PACRG: variants seen among roughly 807,000 people sequenced by gnomAD.
PACRG encodes the protein parkin coregulated gene protein.
Under a neutral mutation model 29.7 loss-of-function variants are expected in PACRG, and 29 were observed. That is an observed-to-expected ratio of 0.98 (90% CI 0.73 to 1.33). The LOEUF is 1.33. Among genes scored for constraint, PACRG ranks in the 40% most tolerant of loss-of-function variants. PACRG has a pLI of 0.00. For missense variants in PACRG, 279 were observed against 316.2 expected (o/e 0.88, Z 0.89); for synonymous variants, 116 against 118.7 (o/e 0.98, Z 0.15).
At chr6:163,032,915 T>C (rs1428293705) in intron 2 of PACRG, among the ~76,000 whole-genome samples, 1 of 152,240 alleles carries the variant, frequency 6.6e-6, no homozygotes, top group Admixed American at 6.5e-5. Context: ...AAACCTATTA[T>C]GCTTTTATTC....
chr6:162,785,080 A>T lies in PACRG; in HGVS notation c.157-29067A>T, dbSNP rs540081361. On this transcript the variant is annotated intron_variant, in intron 1 of 4. Coordinates refer to ENST00000366888, the MANE Select transcript of PACRG (RefSeq NM_001080379.2). ...ATCCCTGCAGCCTAAAGCAGATTTT[A>T]TATATATGGCTTTCCCAGCTAATTT... is the stretch of plus-strand genomic sequence containing the variant. Among the ~76,000 whole-genome samples, 192 of 152,056 alleles carry T rather than the reference A, an allele frequency of 1.3e-3. 2 individuals are homozygous for T. The highest frequency in any genetic ancestry group is 6.3e-4 in the Non-Finnish European group (43 of 67,988).
At chr6:162,857,769 T>C (rs1791525486) in intron 2 of PACRG, among the ~76,000 whole-genome samples, 1 of 41,544 alleles carries the variant, frequency 2.4e-5, no homozygotes, top group Non-Finnish European at 4.1e-5. Context: ...ATTTGCTCTG[T>C]TTTTTTTTTT....
intron 4 of PACRG, among the ~76,000 whole-genome samples, chr6:163,301,271 A>G (rs943387252): frequency 1.3e-5 from 2 of 152,246 alleles, no homozygotes; most frequent in African/African-American, 2.4e-5. Flanking sequence ...CAGAGCTACC[A>G]TCCTTCAGAT....
chr6:163,191,468 C>T (rs1255580102), intron 4 of PACRG: 15 of 359,432 alleles, frequency 4.2e-5, no homozygotes, highest in Non-Finnish European at 7.7e-5. Flanking sequence ...TCTGCACCAC[C>T]CTTGGGGGAG....
chr6:163,114,727 TAA>T (rs1483693885), intron 4 of PACRG, among the ~76,000 whole-genome samples: 1 of 151,896 alleles, frequency 6.6e-6, no homozygotes, highest in African/African-American at 2.4e-5. Context: ...AGATGTTGGC[TAA>T]AAGGTACAAA....
chr6:163,136,689 C>T (rs1816948580), intron 4 of PACRG, among the ~76,000 whole-genome samples: 2 of 152,112 alleles, frequency 1.3e-5, no homozygotes, highest in Non-Finnish European at 2.9e-5. Context: ...ATAGTTATAA[C>T]GGAAACTGTT....
At chr6:163,217,140 T>G (rs1472125126) in intron 4 of PACRG, among the ~76,000 whole-genome samples, 1 of 152,224 alleles carries the variant, frequency 6.6e-6, no homozygotes, top group African/African-American at 2.4e-5. Context: ...GAACCAGGCT[T>G]GGCGATAGAG....
intron 1 of PACRG, among the ~76,000 whole-genome samples, chr6:162,753,014 C>A (rs1413357592): frequency 6.6e-6 from 1 of 151,968 alleles, no homozygotes; most frequent in East Asian, 1.9e-4. Flanking sequence ...TTTGGGGGCA[C>A]AATGTGATGT....
chr6:162,784,447 A>G (rs1784309856), intron 1 of PACRG, among the ~76,000 whole-genome samples: 1 of 152,234 alleles, frequency 6.6e-6, no homozygotes, highest in Non-Finnish European at 1.5e-5. Flanking sequence ...AAGGCTATGC[A>G]GCAAGAAAGA....
chr6:162,917,878 C>T (rs1039844960), intron 2 of PACRG, among the ~76,000 whole-genome samples: 5 of 152,116 alleles, frequency 3.3e-5, no homozygotes, highest in African/African-American at 1.2e-4. Flanking sequence ...TATTTATAGG[C>T]TTTCACTCAT....
chr6:163,062,103 G>T (rs751913599), intron 2 of PACRG, 47 bp from the exon 3 acceptor site: 43 of 1,595,934 alleles, frequency 2.7e-5, no homozygotes, highest in Admixed American at 1.0e-4. Context: ...GCCGTGCTCT[G>T]CCCGAATGCT....
intron 4 of PACRG, among the ~76,000 whole-genome samples, chr6:163,232,335 C>T (rs895084564): frequency 6.6e-6 from 1 of 152,162 alleles, no homozygotes; most frequent in African/African-American, 2.4e-5. Flanking sequence ...GCAATGTGCC[C>T]GAGCCCCAAC....
intron 4 of PACRG, among the ~76,000 whole-genome samples, chr6:163,144,628 G>A (rs1777722297): frequency 6.6e-6 from 1 of 152,130 alleles, no homozygotes. Flanking sequence ...AATTAGTTGG[G>A]CATGGTGGCG....
At chr6:163,133,529 A>G (rs1585252660) in intron 4 of PACRG, among the ~76,000 whole-genome samples, 2 of 152,192 alleles carry the variant, frequency 1.3e-5, no homozygotes, top group East Asian at 3.9e-4. Context: ...CCTAGAGAGG[A>G]GCCTATTACC....
chr6:163,148,888 C>T (rs1471924842), intron 4 of PACRG, among the ~76,000 whole-genome samples: 2 of 147,038 alleles, frequency 1.4e-5, no homozygotes, highest in Non-Finnish European at 3.0e-5. Context: ...TAACTGGCTG[C>T]TGCACAACTG....
At chr6:163,179,199 T>C (rs1779528405) in intron 4 of PACRG, 1 of 455,856 alleles carries the variant, frequency 2.2e-6, no homozygotes, top group African/African-American at 2.0e-5. Flanking sequence ...TCCTCACATG[T>C]GCGTCTTATC....
At chr6:163,111,634 T>C (rs538935292) in intron 4 of PACRG, among the ~76,000 whole-genome samples, 2 of 152,360 alleles carry the variant, frequency 1.3e-5, no homozygotes, top group East Asian at 3.9e-4. Context: ...TTGTGGTCAG[T>C]GTTAGAGAGC....
At chr6:162,958,992 C>T (rs1242648783) in intron 2 of PACRG, among the ~76,000 whole-genome samples, 1 of 143,058 alleles carries the variant, frequency 7.0e-6, no homozygotes, top group African/African-American at 2.6e-5. Flanking sequence ...ATCATGGCTC[C>T]CTGAATCCTA....
At chr6:162,845,720 A>T (rs1390556416) in intron 2 of PACRG, among the ~76,000 whole-genome samples, 1 of 152,186 alleles carries the variant, frequency 6.6e-6, no homozygotes, top group Non-Finnish European at 1.5e-5. Flanking sequence ...TAGCTTCATT[A>T]AAAGTATTTT....
Sources: gnomAD v4.1 joint callset for allele counts (sites outside exome capture counted in the v4.1 genomes callset) on GRCh38, gnomAD v4.1.1 for gene constraint, MANE v1.5 for transcripts, NCBI Gene and HGNC (gene_info 2026-07-23, HGNC 2026-07-21) for gene names.